B3GALT1: variants seen among roughly 807,000 people sequenced by gnomAD.
B3GALT1 encodes beta-1,3-galactosyltransferase 1.
B3GALT1 carries 10 observed loss-of-function variants against 23.2 expected under a neutral mutation model. The observed-to-expected ratio is 0.43, with a 90% CI of 0.27 to 0.73. The LOEUF (loss-of-function observed/expected upper bound fraction) is 0.73. B3GALT1 is among the 30% of genes least tolerant of loss of function. The pLI is 0.21. For missense variants in B3GALT1, 299 were observed against 405.4 expected, an observed-to-expected ratio of 0.74 and a Z score of 2.25; for synonymous variants, 156 against 141.5, an observed-to-expected ratio of 1.10 and a Z score of -0.73.
rs368531359 is a variant in B3GALT1 at position 167,352,783 on chromosome 2, C to A, written c.-511+59449C>A. 1.9e-4 allele frequency among the ~76,000 whole-genome samples: 29 copies of A among 152,092 alleles called. 1 individual carries two copies. Among genetic ancestry groups the A allele is most frequent in the African/African-American group, 6.7e-4 (28 of 41,500 alleles). On this transcript the variant is annotated intron_variant, in intron 1 of 4. Coordinates refer to ENST00000392690, the MANE Select transcript of B3GALT1 (RefSeq NM_020981.4). ...GGAAGGACTGTTACAATAAAAAACA[C>A]CAGTAGTCACACTCAGTAACCTGAA...
rs899063190 is a variant in B3GALT1 at position 167,656,870 on chromosome 2, T to C, written c.-352+9904T>C. Among the ~76,000 whole-genome samples, 5 of 152,228 alleles carry C rather than the reference T, an allele frequency of 3.3e-5. No individual in the cohort carries two copies. In the South Asian group the frequency reaches 6.2e-4, roughly 19 times the overall value. On this transcript the variant is annotated intron_variant, in intron 3 of 4. Coordinates refer to ENST00000392690, the MANE Select transcript of B3GALT1 (RefSeq NM_020981.4). ...CTAAAGGATGAATAGATTTTTTGTCTAACTAGAGAAATAATGGTATTCAAC... is the reference window on the plus strand; with the variant it reads ...CTAAAGGATGAATAGATTTTTTGTCCAACTAGAGAAATAATGGTATTCAAC...
intron 1 of B3GALT1, among the ~76,000 whole-genome samples, chr2:167,403,202 G>T (rs1348142498): frequency 7.7e-6 from 1 of 129,882 alleles, no homozygotes; most frequent in Non-Finnish European, 1.5e-5. Context: ...GCCCCGGTGT[G>T]TGATGTTCCC....
intron 2 of B3GALT1, among the ~76,000 whole-genome samples, chr2:167,580,614 G>A (rs1684466636): frequency 6.6e-6 from 1 of 152,096 alleles, no homozygotes; most frequent in South Asian, 2.1e-4. Flanking sequence ...TGTTGGGCCT[G>A]ACTCTATGTT....
intron 1 of B3GALT1, among the ~76,000 whole-genome samples, chr2:167,427,754 A>T (rs1175107974): frequency 6.6e-6 from 1 of 152,114 alleles, no homozygotes; most frequent in Non-Finnish European, 1.5e-5. Flanking sequence ...GGCCGGTCTC[A>T]AACTCCTGGA....
intron 1 of B3GALT1, among the ~76,000 whole-genome samples, chr2:167,411,421 A>G (rs1034048015): frequency 1.3e-5 from 2 of 151,098 alleles, no homozygotes; most frequent in African/African-American, 4.9e-5. Context: ...ATTTGAGTTT[A>G]AAATTGGCAA....
At chr2:167,576,142 G>T (rs1287856559) in intron 2 of B3GALT1, among the ~76,000 whole-genome samples, 1 of 151,720 alleles carries the variant, frequency 6.6e-6, no homozygotes, top group Non-Finnish European at 1.5e-5. Flanking sequence ...GGTGATTTTT[G>T]CAAGTTGTCC....
intron 4 of B3GALT1, among the ~76,000 whole-genome samples, 173 bp from the exon 5 acceptor site, chr2:167,868,638 G>A (rs1373213985): frequency 6.6e-6 from 1 of 152,060 alleles, no homozygotes; most frequent in Admixed American, 6.6e-5. Flanking sequence ...TTCTATCAAG[G>A]AGAGAGGAAA....
intron 2 of B3GALT1, among the ~76,000 whole-genome samples, chr2:167,568,832 T>C (rs930853740): frequency 4.6e-5 from 7 of 151,958 alleles, no homozygotes; most frequent in Non-Finnish European, 8.8e-5. Context: ...TTCTTTCTCC[T>C]GTGTTATTTT....
At chr2:167,552,457 CAACTT>C (rs1683765446) in intron 2 of B3GALT1, among the ~76,000 whole-genome samples, 1 of 152,044 alleles carries the variant, frequency 6.6e-6, no homozygotes, top group African/African-American at 2.4e-5. Flanking sequence ...TTTCCATAAA[CAACTT>C]AGTTATACTA....
chr2:167,501,965 A>G (rs1257526452), intron 2 of B3GALT1, among the ~76,000 whole-genome samples: 3 of 152,176 alleles, frequency 2.0e-5, no homozygotes, highest in African/African-American at 4.8e-5. Flanking sequence ...TTTTAAGCAT[A>G]TTAGTGAAAT....
chr2:167,409,810 C>T (rs535504734), intron 1 of B3GALT1, among the ~76,000 whole-genome samples: 21 of 151,784 alleles, frequency 1.4e-4, no homozygotes, highest in South Asian at 6.3e-4. Context: ...GAAATAGGAA[C>T]GCTTCTACAC....
intron 1 of B3GALT1, among the ~76,000 whole-genome samples, chr2:167,460,023 C>G (rs978966402): frequency 3.3e-5 from 5 of 150,644 alleles, no homozygotes; most frequent in African/African-American, 4.9e-5. Flanking sequence ...ATTTATTTAT[C>G]TTTTACTGCT....
intron 1 of B3GALT1, among the ~76,000 whole-genome samples, chr2:167,466,323 AAGAT>A (rs1226585233): frequency 1.3e-5 from 2 of 152,258 alleles, no homozygotes; most frequent in East Asian, 3.9e-4. Context: ...TATTTCAAGA[AAGAT>A]GGTCTTGAGG....
intron 1 of B3GALT1, among the ~76,000 whole-genome samples, chr2:167,453,169 G>A (rs1232475521): frequency 6.6e-6 from 1 of 152,086 alleles, no homozygotes; most frequent in Non-Finnish European, 1.5e-5. Context: ...ATAATCTGAG[G>A]ATCTAGCCTA....
chr2:167,478,239 C>A (rs1357525758), intron 1 of B3GALT1, among the ~76,000 whole-genome samples: 1 of 152,196 alleles, frequency 6.6e-6, no homozygotes, highest in Non-Finnish European at 1.5e-5. Flanking sequence ...ATTCACTGAT[C>A]TTGTGTTCCC....
intron 2 of B3GALT1, among the ~76,000 whole-genome samples, chr2:167,544,217 G>T (rs996157756): frequency 3.3e-5 from 5 of 152,200 alleles, no homozygotes; most frequent in African/African-American, 1.2e-4. Context: ...GACTTTGACC[G>T]AACTTGATCC....
intron 4 of B3GALT1, among the ~76,000 whole-genome samples, chr2:167,868,507 AT>A (rs1690278148): frequency 7.1e-6 from 1 of 141,088 alleles, no homozygotes; most frequent in South Asian, 2.3e-4. Flanking sequence ...AAAAAAAAAA[AT>A]ACGTCATGTG....
At chr2:167,558,908 A>G (rs10203539) in intron 2 of B3GALT1, among the ~76,000 whole-genome samples, 2,368 of 152,258 alleles carry the variant, frequency 0.016, 53 homozygotes, top group East Asian at 0.083. Context: ...GACAGCAGTA[A>G]CCTCTGCAGA....
intron 3 of B3GALT1, among the ~76,000 whole-genome samples, chr2:167,705,890 A>C (rs1420660046): frequency 6.6e-6 from 1 of 152,232 alleles, no homozygotes; most frequent in Non-Finnish European, 1.5e-5. Context: ...TAATAGCCAC[A>C]TGTGGCTATT....
Sources: gnomAD v4.1 joint callset for allele counts (sites outside exome capture counted in the v4.1 genomes callset) on GRCh38, gnomAD v4.1.1 for gene constraint, MANE v1.5 for transcripts, NCBI Gene and HGNC (gene_info 2026-07-23, HGNC 2026-07-21) for gene names.